The following METTL25 variants were observed in gnomAD, a reference collection of about 807,000 sequenced individuals.
METTL25 encodes probable methyltransferase-like protein 25.
In METTL25, 64 loss-of-function variants were observed where a neutral mutation model predicts 71.6. The observed-to-expected ratio is 0.89, with a 90% CI of 0.73 to 1.10. The LOEUF (loss-of-function observed/expected upper bound fraction) is 1.10, where lower values mean the gene tolerates loss of function less well. METTL25 is among the 50% of genes least tolerant of loss of function. The pLI is 0.00. For missense variants in METTL25, 807 were observed against 707.0 expected, an observed-to-expected ratio of 1.14 and a Z score of -1.60; for synonymous variants, 287 against 250.3, an observed-to-expected ratio of 1.15 and a Z score of -1.38.
At chr12:82,389,097 T>C (rs1156487585) in intron 2 of METTL25, among the ~76,000 whole-genome samples, 1 of 152,090 alleles carries the variant, frequency 6.6e-6, no homozygotes. Context: ...CTGATGATGT[T>C]GACTACCTTG....
chr12:82,369,654 T>C (rs920850031), intron 1 of METTL25: 35 of 260,590 alleles, frequency 1.3e-4, no homozygotes, highest in Admixed American at 8.9e-4. Context: ...GCTTCCACAG[T>C]GTGGAAGGGG....
At chr12:82,406,817 G>A (rs990363900) in intron 5 of METTL25, among the ~76,000 whole-genome samples, 2 of 152,090 alleles carry the variant, frequency 1.3e-5, no homozygotes, top group African/African-American at 4.8e-5. Context: ...ATTCCCGTGT[G>A]GTGATATCCA....
Position 82,399,343 on chromosome 12 carries a change from C to G in METTL25, c.1080C>G (p.Thr360=), listed in dbSNP as rs1886380971. ...AATCAAATATATATTCACCTTTAAC[C>G]TCTTTTATCACTGCTGATTCAGAAC... ...SSESNIYSPL[T]SFITADSELH... The change falls in exon 4 of 12, where the codon ACC becomes ACG. Residue 360 remains threonine (T), a synonymous_variant. Transcript: ENST00000248306. 1.2e-6 allele frequency: 2 copies of G among 1,604,890 alleles called. No homozygotes were observed. Among genetic ancestry groups the G allele is most frequent in the Non-Finnish European group, 8.5e-7 (1 of 1,176,430 alleles).
chr12:82,371,218 C>T (rs1646391052), intron 1 of METTL25, among the ~76,000 whole-genome samples: 1 of 152,180 alleles, frequency 6.6e-6, no homozygotes, highest in African/African-American at 2.4e-5. Flanking sequence ...AAGTCAATTT[C>T]CTGGCCCTCA....
At chr12:82,466,183 T>C (rs1172250836) in intron 9 of METTL25, among the ~76,000 whole-genome samples, 1 of 151,850 alleles carries the variant, frequency 6.6e-6, no homozygotes, top group Non-Finnish European at 1.5e-5. Context: ...ATCATTAGGT[T>C]CTTTATTTGA....
intron 9 of METTL25, among the ~76,000 whole-genome samples, chr12:82,458,773 T>C (rs1352219212): frequency 1.3e-5 from 2 of 152,198 alleles, no homozygotes; most frequent in Admixed American, 1.3e-4. Context: ...TGCTAGTGTT[T>C]TGTCAGAGCC....
intron 1 of METTL25, among the ~76,000 whole-genome samples, chr12:82,359,354 T>G (rs1261398512): frequency 6.6e-6 from 1 of 152,132 alleles, no homozygotes; most frequent in Non-Finnish European, 1.5e-5. Flanking sequence ...AGGCTAGGCT[T>G]GGCTCTAGCC....
At position 82,403,852 on chromosome 12, in the gene METTL25, A is replaced by T. The variant is rs370903645; in HGVS notation, c.1279+722A>T. On this transcript the variant is annotated intron_variant, in intron 5 of 11. Coordinates refer to ENST00000248306, the MANE Select transcript of METTL25 (RefSeq NM_032230.3). ...TAGATGGTTATTTAGTATACTAATA[A>T]TAGTAGTTCGTTTTTATGTTAGTTT... 7.2e-5 allele frequency among the ~76,000 whole-genome samples: 11 copies of T among 152,308 alleles called. No homozygotes were observed. The East Asian group carries it at 1.9e-3, about 27-fold the overall frequency.
Position 82,456,908 on chromosome 12 carries a change from T to G in METTL25, c.1572+88T>G, listed in dbSNP as rs748857654. ...TGAGAGAATACAAAATAGTTTCCCT[T>G]CTAATTTTCTCTCATTTGTGAAAAG... On this transcript the variant is annotated intron_variant, in intron 9 of 11. Coordinates refer to ENST00000248306, the MANE Select transcript of METTL25 (RefSeq NM_032230.3). 202 of 549,990 alleles carry G rather than the reference T, an allele frequency of 3.7e-4. 1 individual carries two copies. Among genetic ancestry groups the G allele is most frequent in the Non-Finnish European group, 8.1e-5 (28 of 347,140 alleles). 34.1% of individuals were successfully genotyped at this position (549,990 alleles called of 1,614,324 possible).
At chr12:82,462,090 CA>C (rs1891917368) in intron 9 of METTL25, among the ~76,000 whole-genome samples, 1 of 152,114 alleles carries the variant, frequency 6.6e-6, no homozygotes, top group African/African-American at 2.4e-5. Flanking sequence ...CATTCATAAC[CA>C]GTACTTTCAG....
rs541711467 is a variant in METTL25, at chr12:82,429,468, A to T, written c.1280-1425A>T. Among the ~76,000 whole-genome samples, 12 of 151,472 alleles carry T rather than the reference A, an allele frequency of 7.9e-5. No homozygotes were observed. The South Asian group carries it at 2.5e-3, about 31-fold the overall frequency. ...ATTCATCTGTTGATGGATACTTAGG[A>T]TAATTTCATATCTTTGCTACTGTGA... On this transcript the variant is annotated intron_variant, in intron 5 of 11. Transcript: ENST00000248306.
chr12:82,396,717 G>C (rs193186438), intron 3 of METTL25, among the ~76,000 whole-genome samples: 34 of 152,112 alleles, frequency 2.2e-4, no homozygotes, highest in Admixed American at 8.5e-4. Context: ...GCATAATTAA[G>C]AATATACCTA....
intron 1 of METTL25, among the ~76,000 whole-genome samples, chr12:82,380,668 T>G (rs992667944): frequency 3.3e-5 from 5 of 152,230 alleles, no homozygotes; most frequent in Non-Finnish European, 5.9e-5. Context: ...TAGTTCTTCC[T>G]CGTTCATTCA....
chr12:82,450,087 G>C (rs1891032840), intron 8 of METTL25, among the ~76,000 whole-genome samples: 1 of 151,974 alleles, frequency 6.6e-6, no homozygotes, highest in Admixed American at 6.6e-5. Flanking sequence ...TCATATTCTA[G>C]GGAAAGACTC....
At position 82,458,870 on chromosome 12, in the gene METTL25, C is replaced by T. The variant is rs1321228532; in HGVS notation, c.1572+2050C>T. Among the ~76,000 whole-genome samples the T allele has an allele frequency of 2.0e-5, 3 of 152,128 alleles. No individual in the cohort carries two copies. In the East Asian group the frequency reaches 5.8e-4, roughly 29 times the overall value. On this transcript the variant is annotated intron_variant, in intron 9 of 11. Coordinates refer to ENST00000248306, the MANE Select transcript of METTL25 (RefSeq NM_032230.3). ...AAAGAAAATATCCAACTCCAGCCTA[C>T]TCTAGCCATCCTGTGCCACCCAAGA...
intron 11 of METTL25, among the ~76,000 whole-genome samples, chr12:82,478,478 ATC>A (rs1893011624): frequency 6.6e-6 from 1 of 151,796 alleles, no homozygotes; most frequent in African/African-American, 2.4e-5. Flanking sequence ...TATTTAAGGA[ATC>A]TCTCAAATAT....
rs144608061 is a variant in METTL25, at chr12:82,385,115, T to A, written c.260-1688T>A. Among the ~76,000 whole-genome samples the A allele has an allele frequency of 9.9e-3, 1,503 of 152,258 alleles. 23 individuals carry two copies. Among genetic ancestry groups the A allele is most frequent in the African/African-American group, 0.034 (1,417 of 41,558 alleles). On this transcript the variant is annotated intron_variant, in intron 1 of 11. Coordinates refer to ENST00000248306, the MANE Select transcript of METTL25 (RefSeq NM_032230.3). ...TTAATTTACTCTAGTAATTTTAATT[T>A]ATGTTTAGTTGATTCAGAAATGGAA...
At chr12:82,362,196 G>A (rs2895915) in intron 1 of METTL25, among the ~76,000 whole-genome samples, 140,787 of 152,292 alleles carry the variant, frequency 0.92, 65,391 homozygotes, top group East Asian at 1. Flanking sequence ...TTCATTGTTC[G>A]TCTAAAAAGA....
At chr12:82,378,547 T>G (rs1476524099) in intron 1 of METTL25, among the ~76,000 whole-genome samples, 1 of 152,158 alleles carries the variant, frequency 6.6e-6, no homozygotes, top group Admixed American at 6.5e-5. Context: ...AAAGGGAGCT[T>G]AGAATAAGAA....
Sources: allele counts gnomAD v4.1 joint callset (sites outside exome capture counted in the v4.1 genomes callset), GRCh38; gene constraint gnomAD v4.1.1; transcripts MANE v1.5; gene names NCBI Gene and HGNC (gene_info 2026-07-23, HGNC 2026-07-21).